RUFY1: variants seen among roughly 807,000 people sequenced by gnomAD.
RUFY1 encodes the protein RUN and FYVE domain-containing protein 1.
RUFY1 carries 54 observed loss-of-function variants against 94.6 expected under a neutral mutation model. The ratio of observed to expected loss-of-function variants is 0.57; its 90% CI spans 0.46 to 0.72. The LOEUF (loss-of-function observed/expected upper bound fraction) is 0.72, where lower values mean the gene tolerates loss of function less well. RUFY1 is among the 30% of genes least tolerant of loss of function. The pLI is 0.00. For missense variants in RUFY1, 883 were observed against 883.9 expected, an observed-to-expected ratio of 1.00 and a Z score of 0.01; for synonymous variants, 396 against 347.3, an observed-to-expected ratio of 1.14 and a Z score of -1.56.
At chr5:179,602,141 C>T (rs1766498780) in intron 15 of RUFY1, 155 bp downstream of exon 15, 1 of 635,458 alleles carries the variant, frequency 1.6e-6, no homozygotes, top group Admixed American at 2.8e-5. Context: ...GAAGCCCGGC[C>T]TCAGAGGGGC....
chr5:179,609,793 T>A lies in RUFY1; in HGVS notation c.*274T>A, dbSNP rs989963557. 3.0e-5 allele frequency: 11 copies of A among 364,496 alleles called. No homozygotes were observed. The highest frequency in any genetic ancestry group is 1.5e-4 in the African/African-American group (7 of 47,724). The allele number at this position is 364,496 out of a possible 1,614,324, so 22.6% of individuals were successfully genotyped here. ...AACTTCATGATTTTGCTACTATCAT[T>A]TTTCACTTTTCAAAGAATTTAACCT... On this transcript the variant is annotated 3_prime_UTR_variant, in exon 18 of 18. Coordinates refer to ENST00000319449, the MANE Select transcript of RUFY1 (RefSeq NM_025158.5).
chr5:179,557,902 G>A (rs1438081140), intron 1 of RUFY1, among the ~76,000 whole-genome samples: 1 of 152,112 alleles, frequency 6.6e-6, no homozygotes, highest in African/African-American at 2.4e-5. Context: ...TTTGGTGTAT[G>A]GAACCTAGGG....
At chr5:179,574,190 G>A (rs1265490260) in intron 5 of RUFY1, among the ~76,000 whole-genome samples, 1 of 151,964 alleles carries the variant, frequency 6.6e-6, no homozygotes, top group East Asian at 1.9e-4. Context: ...AGGTCAGGAG[G>A]TTGAGACCGC....
intron 12 of RUFY1, 45 bp from the exon 13 acceptor site, chr5:179,596,517 T>TA: frequency 6.2e-7 from 1 of 1,612,760 alleles, no homozygotes; most frequent in Admixed American, 1.7e-5. Flanking sequence ...ATCCTTTCCT[T>TA]ACAAAGATTT....
rs544189720 is a variant in RUFY1, at chr5:179,560,657, C to T, written c.484+459C>T. ...AGGAGAATGGCGTGATCCCGGGAGG[C>T]GGAGGTTGCAGTGAGCTGAGATCGC... On this transcript the variant is annotated intron_variant, in intron 2 of 17. Coordinates refer to ENST00000319449, the MANE Select transcript of RUFY1 (RefSeq NM_025158.5). Among the ~76,000 whole-genome samples the T allele has an allele frequency of 7.2e-5, 10 of 138,030 alleles. No individual in the cohort carries two copies. In the East Asian group the frequency reaches 1.8e-3, roughly 24 times the overall value. The allele number at this position is 138,030 out of a possible 152,430, so 90.6% of individuals were successfully genotyped here. A position where few individuals can be genotyped will look rare whatever the true frequency, so the allele number is the denominator to read the frequency against.
intron 16 of RUFY1, 67 bp downstream of exon 16, chr5:179,605,991 T>C (rs1562119696): frequency 9.5e-7 from 1 of 1,058,004 alleles, no homozygotes; most frequent in Non-Finnish European, 1.5e-6. Flanking sequence ...GCTCGTACGT[T>C]TAAGTATCCC....
chr5:179,591,504 C>T (rs1227292358), intron 9 of RUFY1, 121 bp from the exon 10 acceptor site: 2 of 706,234 alleles, frequency 2.8e-6, no homozygotes, highest in East Asian at 2.9e-5. Context: ...CTTTTTCTAC[C>T]ATGCTTAAAA....
At chr5:179,605,850 T>C (rs767590778) in intron 15 of RUFY1, 26 bp from the exon 16 acceptor site, 27 of 1,555,968 alleles carry the variant, frequency 1.7e-5, no homozygotes, top group Non-Finnish European at 2.1e-5. Flanking sequence ...CTCACTGCTA[T>C]GAAATGGCCT....
intron 1 of RUFY1, 52 bp downstream of exon 1, chr5:179,550,931 C>T: frequency 9.7e-7 from 1 of 1,035,626 alleles, no homozygotes; most frequent in Non-Finnish European, 1.2e-6. Flanking sequence ...CCCCGCTGGC[C>T]GCCGGCGCGG....
At chr5:179,595,741 G>C (rs1011580647) in intron 12 of RUFY1, among the ~76,000 whole-genome samples, 1 of 151,920 alleles carries the variant, frequency 6.6e-6, no homozygotes, top group African/African-American at 2.4e-5. Flanking sequence ...GTAGAGATGG[G>C]GTTTCTCCAT....
At chr5:179,597,048 A>AC (rs1230269050) in intron 13 of RUFY1, 1 of 216,450 alleles carries the variant, frequency 4.6e-6, no homozygotes, top group African/African-American at 2.3e-5. Context: ...AATTTTGTGC[A>AC]CAGTTCATCT....
chr5:179,574,125 G>A (rs887354323), intron 5 of RUFY1, among the ~76,000 whole-genome samples: 1 of 151,982 alleles, frequency 6.6e-6, no homozygotes, highest in Admixed American at 6.6e-5. Flanking sequence ...CTGGAAGGCC[G>A]GGCGTGGTGG....
chr5:179,553,621 T>TA (rs375638833), intron 1 of RUFY1, among the ~76,000 whole-genome samples: 82 of 144,970 alleles, frequency 5.7e-4, no homozygotes, highest in Non-Finnish European at 8.4e-4. Context: ...CTATCTCTAC[T>TA]AAAAAAAAAA....
intron 3 of RUFY1, among the ~76,000 whole-genome samples, chr5:179,566,141 A>G (rs1208356818): frequency 6.6e-6 from 1 of 151,910 alleles, no homozygotes; most frequent in Non-Finnish European, 1.5e-5. Flanking sequence ...CTGTCTCCAA[A>G]AAAAAAAAGA....
chr5:179,603,202 T>C (rs1766629265), intron 15 of RUFY1, among the ~76,000 whole-genome samples: 1 of 151,452 alleles, frequency 6.6e-6, no homozygotes, highest in East Asian at 1.9e-4. Context: ...GAGGCAGAGG[T>C]TGCAGTAAGC....
Position 179,554,623 on chromosome 5 carries a change from A to AT in RUFY1, c.310+3753dup, listed in dbSNP as rs200517065. ...TAGGTGTCCTGTTTGGTTTTGGGGG[A>AT]TTTTTTTTTAAGGTAATAAGCGAAC... On this transcript the variant is annotated intron_variant, in intron 1 of 17. Transcript: ENST00000319449. Among the ~76,000 whole-genome samples the AT allele has an allele frequency of 2.1e-3, 309 of 150,184 alleles. 1 individual carries two copies. The highest frequency in any genetic ancestry group is 6.5e-3 in the African/African-American group (267 of 40,912).
At chr5:179,558,076 A>G (rs147936352) in intron 1 of RUFY1, among the ~76,000 whole-genome samples, 38 of 152,284 alleles carry the variant, frequency 2.5e-4, no homozygotes, top group African/African-American at 5.5e-4. Flanking sequence ...ATGTATTCCA[A>G]TTTCAAGACC....
intron 8 of RUFY1, among the ~76,000 whole-genome samples, chr5:179,589,150 A>G (rs1421729232): frequency 6.6e-6 from 1 of 152,182 alleles, no homozygotes; most frequent in East Asian, 1.9e-4. Context: ...TCAAGTGATT[A>G]AAAGTTTTTG....
chr5:179,567,377 A>G (rs941751800), intron 3 of RUFY1, 84 bp from the exon 4 acceptor site: 7 of 976,714 alleles, frequency 7.2e-6, no homozygotes, highest in East Asian at 4.9e-5. Context: ...TGTGTTTCCT[A>G]TGTGTCTCCC....
Sources: allele counts gnomAD v4.1 joint callset (sites outside exome capture counted in the v4.1 genomes callset), GRCh38; gene constraint gnomAD v4.1.1; transcripts MANE v1.5; gene names NCBI Gene and HGNC (gene_info 2026-07-23, HGNC 2026-07-21).